BTF3: variants seen among roughly 807,000 people sequenced by gnomAD.
BTF3 encodes basic transcription factor 3.
BTF3 carries 12 observed loss-of-function variants against 23.9 expected under a neutral mutation model. The observed-to-expected ratio is 0.50, with a 90% confidence interval of 0.32 to 0.81. The LOEUF (loss-of-function observed/expected upper bound fraction) is 0.81. Ranked by LOEUF, BTF3 falls within the 40% of genes least tolerant of loss-of-function variation. The pLI is 0.03. For synonymous variants in BTF3, 96 were observed against 94.8 expected (o/e 1.01, Z -0.07); for missense variants, 215 against 255.9 (o/e 0.84, Z 1.09).
chr5:73,500,184 C>T (rs1392633454), intron 2 of BTF3, among the ~76,000 whole-genome samples: 3 of 151,786 alleles, frequency 2.0e-5, no homozygotes, highest in East Asian at 3.9e-4. Context: ...TTTTTGTTAA[C>T]GTTAGCCATC....
chr5:73,504,856 C>T (rs972035233), intron 5 of BTF3: 3 of 224,846 alleles, frequency 1.3e-5, no homozygotes, highest in Middle Eastern at 1.5e-3. Context: ...GATAAATTTA[C>T]GTTCTTCTAA....
At chr5:73,504,220 C>T in intron 4 of BTF3, 127 bp from the exon 5 acceptor site, 1 of 627,570 alleles carries the variant, frequency 1.6e-6, no homozygotes, top group Non-Finnish European at 2.6e-6. Flanking sequence ...CCCAAATGTC[C>T]CTTATCATGG....
chr5:73,505,081 G>T, intron 5 of BTF3, 111 bp from the exon 6 acceptor site: 1 of 840,016 alleles, frequency 1.2e-6, no homozygotes, highest in Non-Finnish European at 1.9e-6. Context: ...CTATGACACA[G>T]TATTTATCAT....
chr5:73,504,986 T>A (rs1478979461), intron 5 of BTF3, among the ~76,000 whole-genome samples: 1 of 136,004 alleles, frequency 7.4e-6, no homozygotes, highest in Non-Finnish European at 1.5e-5. Context: ...TTGGTTCTGC[T>A]CCCCCACTAT....
intron 4 of BTF3, 80 bp from the exon 5 acceptor site, chr5:73,504,267 C>CTGTTTTTTT (rs761837491): frequency 8.4e-6 from 1 of 118,606 alleles, no homozygotes; most frequent in Non-Finnish European, 1.6e-5. Context: ...TTCATCTGTT[C>CTGTTTTTTT]TTTTTTTTTT....
At chr5:73,499,252 A>G in intron 2 of BTF3, 50 bp downstream of exon 2, 1 of 1,575,590 alleles carries the variant, frequency 6.3e-7, no homozygotes, top group Non-Finnish European at 8.7e-7. Context: ...AGGTTTAGGT[A>G]TTTTAAAAAA....
rs916960419 is a variant in BTF3 at position 73,498,870 on chromosome 5, G to C, written c.132+71G>C. Reference sequence around the variant, plus strand: ...CTAGGCCGAGGCCAGGCCAGGGCCAGGGGTGGGGGGTGCTGGCCAGGCGTG... The same window carrying C: ...CTAGGCCGAGGCCAGGCCAGGGCCACGGGTGGGGGGTGCTGGCCAGGCGTG... On this transcript the variant is annotated intron_variant, in intron 1 of 5. Transcript: ENST00000380591. 33 of 1,488,444 alleles carry C rather than the reference G, an allele frequency of 2.2e-5. 1 individual carries two copies. The Middle Eastern group carries it at 7.2e-4, about 32-fold the overall frequency. 92.2% of individuals were successfully genotyped at this position (1,488,444 alleles called of 1,614,324 possible). A position where few individuals can be genotyped will look rare whatever the true frequency, so the allele number is the denominator to read the frequency against.
intron 2 of BTF3, among the ~76,000 whole-genome samples, chr5:73,500,925 A>C (rs1746420602): frequency 1.3e-5 from 2 of 149,452 alleles, no homozygotes; most frequent in South Asian, 4.2e-4. Context: ...GTTAGTAACC[A>C]GTACTTTTTT....
intron 2 of BTF3, among the ~76,000 whole-genome samples, chr5:73,502,141 A>G (rs1746449719): frequency 6.9e-6 from 1 of 145,776 alleles, no homozygotes; most frequent in Admixed American, 6.9e-5. Context: ...CCTGGACGAC[A>G]CAGTGAGACC....
rs924035735 is a variant in BTF3, at chr5:73,498,643, C to T, written c.-25C>T. 3 of 1,480,002 alleles carry T rather than the reference C, an allele frequency of 2.0e-6. No individual in the cohort carries two copies. The highest frequency in any genetic ancestry group is 5.4e-5 in the Admixed American group (2 of 36,890). The allele number at this position is 1,480,002 out of a possible 1,614,324, so 91.7% of individuals were successfully genotyped here. On this transcript the variant is annotated 5_prime_UTR_variant, in exon 1 of 6. Coordinates refer to ENST00000380591, the MANE Select transcript of BTF3 (RefSeq NM_001037637.2). ...CCTGAAGGAGCGAGACAGGGAGGGA[C>T]AGGGCAGAGGAGGAGAGGAAGGCGA...
Position 73,499,186 on chromosome 5 carries a change from T to C in BTF3, c.185T>C (p.Val62Ala). 1 of 1,613,486 alleles carries C rather than the reference T, an allele frequency of 6.2e-7. No individual in the cohort carries two copies. Among genetic ancestry groups the C allele is most frequent in the Non-Finnish European group, 8.5e-7 (1 of 1,179,932 alleles). ...AAACTCGCCAAACTGCAGGCACAAG[T>C]GCGCATTGGTGGGAAAGTAAGTTTT... ...QEKLAKLQAQ[V>A]RIGGKGTARR... Residue 62 changes from valine to alanine, a missense_variant, in exon 2 of 6, where the codon GTG (valine) becomes GCG (alanine). Physicochemically the swap from Val to Ala is moderately conservative, Grantham distance 64. Coordinates refer to ENST00000380591, the MANE Select transcript of BTF3 (RefSeq NM_001037637.2).
rs73103660 is a variant in BTF3 at position 73,499,264 on chromosome 5, A to C, written c.201+62A>C. On this transcript the variant is annotated intron_variant, in intron 2 of 5. Transcript: ENST00000380591. ...TTAAGGTTTAGGTATTTTAAAAAAC[A>C]TATTCCTTTTGCGCTTCTTATATTA... 1.4e-3 allele frequency: 2,131 copies of C among 1,542,784 alleles called. 25 individuals are homozygous for C. The African/African-American group carries it at 0.023, about 17-fold the overall frequency.
rs145690815 is a variant in BTF3, at chr5:73,503,854, C to T, written c.518-493C>T. Among the ~76,000 whole-genome samples the T allele has an allele frequency of 4.1e-3, 622 of 152,300 alleles. 4 individuals carry two copies. The highest frequency in any genetic ancestry group is 6.9e-3 in the Non-Finnish European group (472 of 68,028). On this transcript the variant is annotated intron_variant, in intron 4 of 5. Coordinates refer to ENST00000380591, the MANE Select transcript of BTF3 (RefSeq NM_001037637.2). ...AGTACATAACTCTCCTGTGTACGTT[C>T]ATATTCTTGTGTGATAAAGGAGAGT... is the stretch of plus-strand genomic sequence containing the variant.
intron 4 of BTF3, 56 bp from the exon 5 acceptor site, chr5:73,504,291 T>TC: frequency 1.4e-6 from 1 of 722,152 alleles, no homozygotes; most frequent in Non-Finnish European, 2.1e-6. Flanking sequence ...TTTTTTTTTT[T>TC]TGGTGAATAT....
In BTF3 at chr5:73,499,039, A is replaced by G; in HGVS notation, c.133-95A>G. 4 of 1,381,690 alleles carry G rather than the reference A, an allele frequency of 2.9e-6. No homozygotes were observed. The South Asian group carries it at 5.6e-5, about 19-fold the overall frequency. 85.6% of individuals were successfully genotyped at this position (1,381,690 alleles called of 1,614,324 possible). A position where few individuals can be genotyped will look rare whatever the true frequency, so the allele number is the denominator to read the frequency against. ...GGATCCAGGTTTCGGCCTGTGTAGG[A>G]CGTTTATTTTCCTGCTGGTATCTTG... On this transcript the variant is annotated intron_variant, in intron 1 of 5. Transcript: ENST00000380591.
At chr5:73,499,935 G>A (rs1297391749) in intron 2 of BTF3, among the ~76,000 whole-genome samples, 1 of 152,166 alleles carries the variant, frequency 6.6e-6, no homozygotes, top group Non-Finnish European at 1.5e-5. Context: ...CACATTCTTA[G>A]TATTTAACAA....
At position 73,499,001 on chromosome 5, in the gene BTF3, C is replaced by T; in HGVS notation, c.133-133C>T. On this transcript the variant is annotated intron_variant, in intron 1 of 5. Transcript: ENST00000380591. ...CTGGAAACCCAAATTTGGAGCTTTG[C>T]GGGGTGGATTTGGGATCCAGGTTTC... 5 of 1,248,216 alleles carry T rather than the reference C, an allele frequency of 4.0e-6. No homozygotes were observed. The South Asian group carries it at 4.7e-5, about 12-fold the overall frequency. The allele number at this position is 1,248,216 out of a possible 1,614,324, so 77.3% of individuals were successfully genotyped here.
At chr5:73,502,877 G>A in intron 3 of BTF3, 39 bp from the exon 4 acceptor site, 1 of 1,576,406 alleles carries the variant, frequency 6.3e-7, no homozygotes, top group Non-Finnish European at 8.7e-7. Flanking sequence ...TAAAGAGACT[G>A]GTCAGCATTG....
Position 73,498,467 on chromosome 5 carries a change from C to A in BTF3, c.-201C>A, listed in dbSNP as rs943307472. 6 of 628,586 alleles carry A rather than the reference C, an allele frequency of 9.5e-6. No homozygotes were observed. In the East Asian group the frequency reaches 1.1e-4, roughly 11 times the overall value. 38.9% of individuals were successfully genotyped at this position (628,586 alleles called of 1,614,324 possible). On this transcript the variant is annotated 5_prime_UTR_variant, in exon 1 of 6. Coordinates refer to ENST00000380591, the MANE Select transcript of BTF3 (RefSeq NM_001037637.2). ...CCCTTTAGCTGCCATCTTGCGTCCCCGCGTGTGTGCGCCTAATCTCAGGTG... is the reference window on the plus strand; with the variant it reads ...CCCTTTAGCTGCCATCTTGCGTCCCAGCGTGTGTGCGCCTAATCTCAGGTG...
Sources: gnomAD v4.1 joint callset for allele counts (sites outside exome capture counted in the v4.1 genomes callset) on GRCh38, gnomAD v4.1.1 for gene constraint, MANE v1.5 for transcripts, NCBI Gene and HGNC (gene_info 2026-07-23, HGNC 2026-07-21) for gene names.